The following KCNAB1 variants were observed in gnomAD, a reference collection of about 807,000 sequenced individuals.
KCNAB1 encodes potassium voltage-gated channel subfamily A regulatory beta subunit 1.
In KCNAB1, 35 loss-of-function variants were observed where a neutral mutation model predicts 64.6. The ratio of observed to expected loss-of-function variants is 0.54; its 90% CI spans 0.41 to 0.72. The LOEUF is 0.72. KCNAB1 is among the 30% of genes least tolerant of loss of function. The probability of loss-of-function intolerance (pLI) is 0.00; values close to 1 mark genes in which losing one functional copy is unlikely to be tolerated. For synonymous variants in KCNAB1, 177 were observed against 183.8 expected, an observed-to-expected ratio of 0.96 and a Z score of 0.30; for missense variants, 401 against 512.9, an observed-to-expected ratio of 0.78 and a Z score of 2.11.
At chr3:156,213,196 G>C (rs1450683682) in intron 1 of KCNAB1, among the ~76,000 whole-genome samples, 1 of 147,718 alleles carries the variant, frequency 6.8e-6, no homozygotes, top group Non-Finnish European at 1.5e-5. Context: ...ACAATGTGGA[G>C]TCCTATCAGT....
chr3:156,523,758 T>C, intron 11 of KCNAB1, 69 bp from the exon 12 acceptor site: 1 of 1,434,886 alleles, frequency 7.0e-7, no homozygotes, highest in Non-Finnish European at 9.6e-7. Context: ...ACATATTTTA[T>C]TGAATTACCA....
chr3:156,317,270 T>A (rs1228286048), intron 1 of KCNAB1, among the ~76,000 whole-genome samples: 1 of 152,192 alleles, frequency 6.6e-6, no homozygotes, highest in Admixed American at 6.5e-5. Context: ...GCATGTACAT[T>A]TTCACATTGC....
intron 1 of KCNAB1, among the ~76,000 whole-genome samples, chr3:156,268,144 T>TA (rs1718827558): frequency 1.3e-5 from 2 of 152,144 alleles, no homozygotes; most frequent in African/African-American, 4.8e-5. Context: ...AAGTTTTTCT[T>TA]CCTGTGCCTG....
At chr3:156,488,416 A>T (rs950370853) in intron 8 of KCNAB1, among the ~76,000 whole-genome samples, 2 of 152,072 alleles carry the variant, frequency 1.3e-5, no homozygotes, top group African/African-American at 4.8e-5. Context: ...GTGAATAGCC[A>T]TAAGAGAGAT....
chr3:156,393,431 C>A (rs771229188), intron 1 of KCNAB1, among the ~76,000 whole-genome samples: 3 of 152,158 alleles, frequency 2.0e-5, no homozygotes, highest in Non-Finnish European at 4.4e-5. Context: ...GAAATGCCAC[C>A]TGACTGCCAG....
chr3:156,348,662 G>A (rs1006336317), intron 1 of KCNAB1, among the ~76,000 whole-genome samples: 16 of 152,324 alleles, frequency 1.1e-4, no homozygotes, highest in African/African-American at 3.6e-4. Context: ...AGCTCAGAGA[G>A]GGGAGTGCTC....
At chr3:156,266,869 A>C (rs1477858588) in intron 1 of KCNAB1, among the ~76,000 whole-genome samples, 1 of 152,222 alleles carries the variant, frequency 6.6e-6, no homozygotes, top group East Asian at 1.9e-4. Context: ...AGTGAAATTT[A>C]TCCCACATTA....
At chr3:156,480,635 G>A (rs1222542051) in intron 8 of KCNAB1, among the ~76,000 whole-genome samples, 2 of 151,724 alleles carry the variant, frequency 1.3e-5, no homozygotes, top group African/African-American at 4.8e-5. Flanking sequence ...TGATCCATTA[G>A]TATCCAAAAG....
At chr3:156,206,722 G>A (rs1417045656) in intron 1 of KCNAB1, among the ~76,000 whole-genome samples, 1 of 152,184 alleles carries the variant, frequency 6.6e-6, no homozygotes, top group Non-Finnish European at 1.5e-5. Context: ...TATTCAGTAA[G>A]CGTTTATGAA....
At chr3:156,535,046 A>C (rs1204847190) in intron 13 of KCNAB1, among the ~76,000 whole-genome samples, 1 of 151,936 alleles carries the variant, frequency 6.6e-6, no homozygotes, top group Non-Finnish European at 1.5e-5. Context: ...TCCAGTTTCT[A>C]GGTTTTTGGT....
intron 12 of KCNAB1, 27 bp from the exon 13 acceptor site, chr3:156,531,382 A>G: frequency 1.9e-6 from 3 of 1,557,844 alleles, no homozygotes; most frequent in Non-Finnish European, 2.7e-6. Flanking sequence ...TGCTTTGATA[A>G]ACTGACCCAG....
intron 1 of KCNAB1, among the ~76,000 whole-genome samples, chr3:156,311,143 A>G (rs1374773501): frequency 6.6e-6 from 1 of 152,190 alleles, no homozygotes; most frequent in Non-Finnish European, 1.5e-5. Context: ...AGATGGAAAT[A>G]TGAATTAAAT....
intron 1 of KCNAB1, among the ~76,000 whole-genome samples, chr3:156,261,260 TTA>T (rs2108479027): frequency 6.6e-6 from 1 of 152,170 alleles, no homozygotes; most frequent in African/African-American, 2.4e-5. Context: ...GGAAGTTCAA[TTA>T]ACCTTTTTTT....
chr3:156,360,011 T>A (rs564270217), intron 1 of KCNAB1, among the ~76,000 whole-genome samples: 21 of 152,352 alleles, frequency 1.4e-4, no homozygotes, highest in Admixed American at 1.2e-3. Context: ...ATGGTGTTTG[T>A]GTGAGGATTA....
At chr3:156,221,972 A>G (rs1715793207) in intron 1 of KCNAB1, among the ~76,000 whole-genome samples, 1 of 152,234 alleles carries the variant, frequency 6.6e-6, no homozygotes, top group African/African-American at 2.4e-5. Flanking sequence ...TCCTTAAAGC[A>G]TAAATCTCAC....
At chr3:156,120,936 G>A (rs750892129) in intron 1 of KCNAB1, 50 bp downstream of exon 1, 2 of 1,593,172 alleles carry the variant, frequency 1.3e-6, no homozygotes, top group Admixed American at 3.4e-5. Context: ...GTTCGAAGGT[G>A]CTCTGGAGAA....
chr3:156,461,076 C>A (rs1712871286), intron 5 of KCNAB1, among the ~76,000 whole-genome samples: 1 of 152,038 alleles, frequency 6.6e-6, no homozygotes, highest in South Asian at 2.1e-4. Flanking sequence ...GAAAAACATT[C>A]ATGTTCCCAC....
intron 11 of KCNAB1, among the ~76,000 whole-genome samples, chr3:156,519,287 C>T (rs563495500): frequency 6.6e-6 from 1 of 152,316 alleles, no homozygotes; most frequent in South Asian, 2.1e-4. Flanking sequence ...AAAGCCATAA[C>T]TTTGTCATAA....
intron 1 of KCNAB1, among the ~76,000 whole-genome samples, chr3:156,416,348 C>T (rs931729062): frequency 2.0e-5 from 3 of 152,216 alleles, no homozygotes; most frequent in African/African-American, 7.2e-5. Flanking sequence ...TTCTCCCCTC[C>T]TCTATTGCCT....
Sources: allele counts gnomAD v4.1 joint callset (sites outside exome capture counted in the v4.1 genomes callset), GRCh38; gene constraint gnomAD v4.1.1; transcripts MANE v1.5; gene names NCBI Gene and HGNC (gene_info 2026-07-23, HGNC 2026-07-21).